Variants in ZNF385C observed in about 807,000 individuals in gnomAD.
The protein encoded by ZNF385C is zinc finger protein 385C, also known as CTD-2132N18.2.
In ZNF385C, 28 loss-of-function variants were observed where a neutral mutation model predicts 35.4. The ratio of observed to expected loss-of-function variants is 0.79; its 90% CI spans 0.59 to 1.08. The LOEUF is 1.08. Among genes scored for constraint, ZNF385C ranks in the 50% least tolerant of loss-of-function variants. The pLI, the probability that ZNF385C is intolerant of heterozygous loss-of-function variation, is 0.00. For synonymous variants in ZNF385C, 248 were observed against 248.2 expected (o/e 1.00, Z 0.01); for missense variants, 605 against 595.6 (o/e 1.02, Z -0.16).
intron 3 of ZNF385C, among the ~76,000 whole-genome samples, chr17:42,037,081 G>A (rs1383648713): frequency 5.3e-5 from 8 of 151,980 alleles, no homozygotes; most frequent in African/African-American, 1.9e-4. Context: ...AGTTACAAAT[G>A]CTCAGACAAG....
intron 1 of ZNF385C, among the ~76,000 whole-genome samples, chr17:42,089,202 G>A (rs2053840096): frequency 6.6e-6 from 1 of 152,090 alleles, no homozygotes; most frequent in Non-Finnish European, 1.5e-5. Flanking sequence ...TATAGTCCCA[G>A]CTACTCAGGA....
intron 1 of ZNF385C, among the ~76,000 whole-genome samples, chr17:42,083,296 G>A (rs534132190): frequency 1.3e-5 from 2 of 149,514 alleles, no homozygotes; most frequent in East Asian, 2.0e-4. Context: ...TCTGCCCCCC[G>A]GGTTCATGCC....
chr17:42,090,263 T>C lies in ZNF385C; in HGVS notation c.-3+8147A>G, dbSNP rs368452300. ...CTAGGGTAGTTTTCCTTCCTTCCCA[T>C]TTCCTCTTATTCCCTTTTTTTTTTT... On this transcript the variant is annotated intron_variant, in intron 1 of 8. Coordinates refer to ENST00000692273, the MANE Select transcript of ZNF385C (RefSeq NM_001392013.1). 5.3e-5 allele frequency among the ~76,000 whole-genome samples: 8 copies of C among 149,552 alleles called. No individual in the cohort carries two copies. In the South Asian group the frequency reaches 8.4e-4, roughly 16 times the overall value.
rs533562674 is a variant in ZNF385C, at chr17:42,029,765, GGC to G, written c.677-694_677-693del. On this transcript the variant is annotated intron_variant, in intron 5 of 8. Coordinates refer to ENST00000692273, the MANE Select transcript of ZNF385C (RefSeq NM_001392013.1). ...CACAGTGGTATGGGCCAGACGCAGT[GGC>G]TCACGCCTGTGATCCCAACACTTTG... 1.8e-3 allele frequency among the ~76,000 whole-genome samples: 281 copies of G among 151,926 alleles called. 1 individual carries two copies. Among genetic ancestry groups the G allele is most frequent in the African/African-American group, 6.2e-3 (256 of 41,396 alleles).
Position 42,034,299 on chromosome 17 carries a change from A to T in ZNF385C, c.436T>A (p.Phe146Ile). ...PVQKAVISHTFGVPSPLKKKL... is the reference protein window; with the variant it reads ...PVQKAVISHTIGVPSPLKKKL... ...TTCTTCAGAGGGGAGGGGACACCAA[A>T]CGTGTGGCTGATGACAGCTTTCTGG... Residue 146 changes from phenylalanine to isoleucine, a missense_variant, in exon 4 of 9, where the codon TTT (phenylalanine) becomes ATT (isoleucine). Phe to Ile is a conservative substitution (Grantham distance 21). Coordinates refer to ENST00000692273, the MANE Select transcript of ZNF385C (RefSeq NM_001392013.1). 6.4e-7 allele frequency: 1 copy of T among 1,550,510 alleles called. No homozygotes were observed. The highest frequency in any genetic ancestry group is 8.7e-7 in the Non-Finnish European group (1 of 1,146,968).
At chr17:42,079,200 A>AT (rs2053718820) in intron 1 of ZNF385C, among the ~76,000 whole-genome samples, 2 of 116,912 alleles carry the variant, frequency 1.7e-5, no homozygotes, top group African/African-American at 3.1e-5. Flanking sequence ...AAAAAAAAAA[A>AT]AAAATATATA....
intron 1 of ZNF385C, among the ~76,000 whole-genome samples, chr17:42,075,973 G>A (rs186370242): frequency 1.1e-4 from 17 of 152,140 alleles, no homozygotes; most frequent in Non-Finnish European, 1.5e-4. Flanking sequence ...CTATTTTCAC[G>A]TGATGCACTG....
chr17:42,096,975 T>TAAAAAA (rs58377119), intron 1 of ZNF385C, among the ~76,000 whole-genome samples: 2 of 89,226 alleles, frequency 2.2e-5, no homozygotes, highest in African/African-American at 7.6e-5. Flanking sequence ...CAAGCTTAGC[T>TAAAAAA]AAAAAAAAAA....
intron 1 of ZNF385C, among the ~76,000 whole-genome samples, chr17:42,066,848 C>CACGA (rs2053553746): frequency 6.6e-6 from 1 of 152,038 alleles, no homozygotes; most frequent in Admixed American, 6.6e-5. Flanking sequence ...GTGGGTGGAT[C>CACGA]ACGAGATCAG....
In ZNF385C at chr17:42,026,583, G is replaced by C. The variant is rs994241403; in HGVS notation, c.*314C>G. 2.4e-6 allele frequency: 1 copy of C among 419,252 alleles called. No individual in the cohort carries two copies. The highest frequency in any genetic ancestry group is 4.4e-6 in the Non-Finnish European group (1 of 227,958). The allele number at this position is 419,252 out of a possible 1,614,324, so 26.0% of individuals were successfully genotyped here. A position where few individuals can be genotyped will look rare whatever the true frequency, so the allele number is the denominator to read the frequency against. Reference sequence around the variant, plus strand: ...GTAGAAGCTAAGATTCCTAGAGTCTGGCCATGTGGGTCTTGGGTGGAGGAA... The same window carrying C: ...GTAGAAGCTAAGATTCCTAGAGTCTCGCCATGTGGGTCTTGGGTGGAGGAA... On this transcript the variant is annotated 3_prime_UTR_variant, in exon 9 of 9. Coordinates refer to ENST00000692273, the MANE Select transcript of ZNF385C (RefSeq NM_001392013.1).
intron 2 of ZNF385C, among the ~76,000 whole-genome samples, chr17:42,049,876 G>A (rs1285294348): frequency 6.6e-5 from 10 of 152,238 alleles, no homozygotes; most frequent in African/African-American, 2.4e-4. Flanking sequence ...TTAGCATTCA[G>A]CTCACACTAG....
At chr17:42,068,099 G>A (rs973426507) in intron 1 of ZNF385C, among the ~76,000 whole-genome samples, 20 of 152,172 alleles carry the variant, frequency 1.3e-4, no homozygotes, top group Admixed American at 1.2e-3. Context: ...AGCCTTCCCA[G>A]CTGTTCCCTT....
chr17:42,028,681 A>G, intron 6 of ZNF385C, 102 bp downstream of exon 6: 2 of 1,399,654 alleles, frequency 1.4e-6, no homozygotes, highest in African/African-American at 1.4e-5. Context: ...CCGCCATCCA[A>G]CCCTTGAGCG....
Position 42,070,120 on chromosome 17 carries a change from G to A in ZNF385C, c.-2-7062C>T, listed in dbSNP as rs1273729647. ...AGCACTTTGGGAGGCCGAGGCGGGCGGATCATGAGGTCAGGAGATCGAGAC... is the reference window on the plus strand; with the variant it reads ...AGCACTTTGGGAGGCCGAGGCGGGCAGATCATGAGGTCAGGAGATCGAGAC... On this transcript the variant is annotated intron_variant, in intron 1 of 8. Transcript: ENST00000692273. Among the ~76,000 whole-genome samples the A allele has an allele frequency of 5.3e-5, 8 of 152,022 alleles. No individual in the cohort carries two copies. The South Asian group carries it at 8.3e-4, about 16-fold the overall frequency.
At chr17:42,038,202 C>T in intron 2 of ZNF385C, 1 of 709,270 alleles carries the variant, frequency 1.4e-6, no homozygotes, top group African/African-American at 1.8e-5. Flanking sequence ...CTGGGCAGGC[C>T]CTGACACACA....
intron 1 of ZNF385C, among the ~76,000 whole-genome samples, chr17:42,093,563 T>C (rs1044471307): frequency 6.6e-5 from 10 of 151,040 alleles, no homozygotes; most frequent in Non-Finnish European, 1.3e-4. Context: ...TTATTTTTTT[T>C]ACTTTTTATT....
At chr17:42,072,088 T>C (rs900864018) in intron 1 of ZNF385C, among the ~76,000 whole-genome samples, 3 of 151,858 alleles carry the variant, frequency 2.0e-5, no homozygotes, top group Non-Finnish European at 2.9e-5. Context: ...GGAGCAGGAG[T>C]ACTTTTTGCA....
intron 1 of ZNF385C, among the ~76,000 whole-genome samples, chr17:42,070,768 T>A (rs1598200065): frequency 6.6e-6 from 1 of 152,144 alleles, no homozygotes; most frequent in South Asian, 2.1e-4. Flanking sequence ...CCAGCCCAGC[T>A]GCAGAGAGAA....
chr17:42,039,655 T>G, intron 2 of ZNF385C: 1 of 1,227,080 alleles, frequency 8.1e-7, no homozygotes, highest in Non-Finnish European at 1.0e-6. Flanking sequence ...GGTTGGCCCT[T>G]ACAGTGCCCA....
Sources: gnomAD v4.1 joint callset for allele counts (sites outside exome capture counted in the v4.1 genomes callset) on GRCh38, gnomAD v4.1.1 for gene constraint, MANE v1.5 for transcripts, NCBI Gene and HGNC (gene_info 2026-07-23, HGNC 2026-07-21) for gene names.